Variants in MED27 observed in about 807,000 individuals in gnomAD.
The protein encoded by MED27 is mediator of RNA polymerase II transcription subunit 27.
In MED27, 30 loss-of-function variants were observed where a neutral mutation model predicts 38.2. The ratio of observed to expected loss-of-function variants is 0.79; its 90% CI spans 0.59 to 1.07. MED27 has a LOEUF of 1.07. Ranked by LOEUF, MED27 falls within the 50% of genes least tolerant of loss-of-function variation. The pLI is 0.00. For missense variants in MED27, 289 were observed against 397.5 expected, an observed-to-expected ratio of 0.73 and a Z score of 2.32; for synonymous variants, 122 against 153.5, an observed-to-expected ratio of 0.79 and a Z score of 1.52.
intron 2 of MED27, among the ~76,000 whole-genome samples, chr9:132,016,929 C>T (rs1832615903): frequency 6.6e-6 from 1 of 152,218 alleles, no homozygotes. Context: ...GAAACCTCAA[C>T]CATCTTGGAT....
chr9:132,079,555 G>GC (rs1834127544), intron 1 of MED27, 87 bp downstream of exon 1: 1 of 1,240,298 alleles, frequency 8.1e-7, no homozygotes, highest in Non-Finnish European at 1.2e-6. Flanking sequence ...ACGGAGAACA[G>GC]CCCCTGCCTG....
At chr9:131,925,126 C>G (rs1830459367) in intron 4 of MED27, among the ~76,000 whole-genome samples, 1 of 152,244 alleles carries the variant, frequency 6.6e-6, no homozygotes, top group Non-Finnish European at 1.5e-5. Flanking sequence ...TTAAGAACCA[C>G]TGTCCTAAAC....
intron 6 of MED27, among the ~76,000 whole-genome samples, chr9:131,863,649 C>T (rs1355645422): frequency 6.8e-6 from 1 of 146,310 alleles, no homozygotes; most frequent in Non-Finnish European, 1.5e-5. Flanking sequence ...TGATGGGGAG[C>T]CTGGCAGTTT....
intron 3 of MED27, among the ~76,000 whole-genome samples, chr9:131,968,632 G>A (rs577354925): frequency 1.3e-5 from 2 of 152,096 alleles, no homozygotes; most frequent in Non-Finnish European, 2.9e-5. Flanking sequence ...TTTGTTTCTG[G>A]CTCTAAGTCC....
At position 132,003,785 on chromosome 9, in the gene MED27, G is replaced by T. The variant is rs1362730783; in HGVS notation, c.479+10552C>A. Reference sequence around the variant, plus strand: ...GAAGGGGGGATTGGAGTATTTTAAAGTGAATCTGGTTCATCAAATCATTTC... The same window carrying T: ...GAAGGGGGGATTGGAGTATTTTAAATTGAATCTGGTTCATCAAATCATTTC... On this transcript the variant is annotated intron_variant, in intron 3 of 7. Coordinates refer to ENST00000292035, the MANE Select transcript of MED27 (RefSeq NM_004269.4). This position sits in a 1 kb window ranked among gnomAD's most constrained non-coding sequence, Gnocchi z 4.2. Among the ~76,000 whole-genome samples the T allele has an allele frequency of 6.6e-6, 1 of 152,182 alleles. No homozygotes were observed. Among genetic ancestry groups the T allele is most frequent in the Non-Finnish European group, 1.5e-5 (1 of 68,030 alleles).
chr9:131,915,566 T>A (rs1275711857), intron 4 of MED27, among the ~76,000 whole-genome samples: 1 of 152,216 alleles, frequency 6.6e-6, no homozygotes, highest in Admixed American at 6.5e-5. Context: ...ATGGCACTTT[T>A]TAATAATCAC....
intron 6 of MED27, among the ~76,000 whole-genome samples, chr9:131,874,126 C>A (rs539863369): frequency 3.9e-5 from 6 of 152,208 alleles, no homozygotes; most frequent in Non-Finnish European, 8.8e-5. Context: ...GGCAGCAATG[C>A]CGGCTCCTGG....
At chr9:131,943,160 T>C (rs1436186341) in intron 3 of MED27, among the ~76,000 whole-genome samples, 1 of 152,192 alleles carries the variant, frequency 6.6e-6, no homozygotes, top group Non-Finnish European at 1.5e-5. Context: ...CAGGTGACAT[T>C]ATGTATTTGC....
chr9:131,937,380 G>A (rs1564290029), intron 4 of MED27, among the ~76,000 whole-genome samples: 1 of 152,174 alleles, frequency 6.6e-6, no homozygotes, highest in Non-Finnish European at 1.5e-5. Flanking sequence ...AGATCCACGT[G>A]TCTGAATTAG....
intron 6 of MED27, chr9:131,868,513 T>A: frequency 2.2e-6 from 2 of 928,144 alleles, no homozygotes; most frequent in Non-Finnish European, 2.6e-6. Flanking sequence ...CTGGCTCAAG[T>A]GATTCTTCTG....
intron 3 of MED27, among the ~76,000 whole-genome samples, chr9:131,950,454 C>T (rs117045603): frequency 0.013 from 1,906 of 152,294 alleles, 15 homozygotes; most frequent in Middle Eastern, 0.02. Flanking sequence ...TGGCAATGCT[C>T]GGATGTGGTG....
intron 2 of MED27, among the ~76,000 whole-genome samples, chr9:132,045,337 G>T (rs908831032): frequency 6.6e-6 from 1 of 150,700 alleles, no homozygotes; most frequent in African/African-American, 2.4e-5. Context: ...TTGTATGTAT[G>T]GTGTACATAC....
chr9:132,015,447 C>T (rs78747210), intron 2 of MED27, among the ~76,000 whole-genome samples: 3,009 of 152,246 alleles, frequency 0.02, 103 homozygotes, highest in African/African-American at 0.068. Context: ...AATGATACTG[C>T]CCAGTTCTAA....
intron 4 of MED27, among the ~76,000 whole-genome samples, chr9:131,906,899 G>T: frequency 6.6e-6 from 1 of 152,172 alleles, no homozygotes; most frequent in Admixed American, 6.5e-5. Context: ...AAAGAGGTGG[G>T]TATTTCCCAG....
chr9:132,004,703 T>C (rs1236558705), intron 3 of MED27, among the ~76,000 whole-genome samples: 5 of 152,178 alleles, frequency 3.3e-5, no homozygotes, highest in Non-Finnish European at 5.9e-5. Context: ...TCTGTCCAAA[T>C]TCCACCTGGT....
At chr9:131,942,312 A>G (rs925787522) in intron 3 of MED27, among the ~76,000 whole-genome samples, 2 of 152,174 alleles carry the variant, frequency 1.3e-5, no homozygotes, top group African/African-American at 4.8e-5. Flanking sequence ...ATTTTTCATC[A>G]TTGCCTGACG....
At chr9:131,948,496 CAAAAACAAAAAAA>C (rs1830927146) in intron 3 of MED27, among the ~76,000 whole-genome samples, 2 of 103,446 alleles carry the variant, frequency 1.9e-5, no homozygotes, top group East Asian at 4.1e-4. Context: ...AAAACAAAAA[CAAAAACAAAAAAA>C]AAAAACAAAA....
At chr9:131,943,361 C>A (rs978476123) in intron 3 of MED27, among the ~76,000 whole-genome samples, 4 of 152,174 alleles carry the variant, frequency 2.6e-5, no homozygotes, top group Non-Finnish European at 5.9e-5. Flanking sequence ...ACAAAAATGA[C>A]ACTCTTTCTT....
chr9:132,033,131 T>A (rs1306109374), intron 2 of MED27, among the ~76,000 whole-genome samples: 1 of 152,220 alleles, frequency 6.6e-6, no homozygotes, highest in Non-Finnish European at 1.5e-5. Flanking sequence ...CCTGTCATAG[T>A]CTCTGGATTT....
Sources: gnomAD v4.1 joint callset for allele counts (sites outside exome capture counted in the v4.1 genomes callset) on GRCh38, gnomAD v4.1.1 for gene constraint, Gnocchi (gnomAD v3.1) non-coding constraint, MANE v1.5 for transcripts, NCBI Gene and HGNC (gene_info 2026-07-23, HGNC 2026-07-21) for gene names.